The following PPARGC1B variants were observed in gnomAD, a reference collection of about 807,000 sequenced individuals.
PPARGC1B encodes the protein PPARG coactivator 1 beta.
A neutral mutation model predicts 101.6 loss-of-function variants in PPARGC1B; 34 were observed. The ratio of observed to expected loss-of-function variants is 0.33; its 90% confidence interval spans 0.25 to 0.45. PPARGC1B has a LOEUF of 0.45. PPARGC1B is among the 20% of genes least tolerant of loss of function. PPARGC1B has a pLI of 1.00. For missense variants in PPARGC1B, 1,234 were observed against 1,317.6 expected, an observed-to-expected ratio of 0.94 and a Z score of 0.98; for synonymous variants, 548 against 539.3, an observed-to-expected ratio of 1.02 and a Z score of -0.22.
intron 2 of PPARGC1B, among the ~76,000 whole-genome samples, 198 bp downstream of exon 2, chr5:149,820,804 T>A (rs1263159944): frequency 6.6e-6 from 1 of 152,196 alleles, no homozygotes; most frequent in Non-Finnish European, 1.5e-5. Flanking sequence ...ACCTGGCCCT[T>A]GCTGTGTCAC....
intron 1 of PPARGC1B, among the ~76,000 whole-genome samples, chr5:149,761,957 C>T (rs908092267): frequency 1.3e-5 from 2 of 152,220 alleles, no homozygotes; most frequent in Non-Finnish European, 1.5e-5. Context: ...ACCATGAGCG[C>T]TCAAGTTTTT....
chr5:149,812,998 T>A (rs540576331), intron 1 of PPARGC1B, among the ~76,000 whole-genome samples: 7 of 152,170 alleles, frequency 4.6e-5, no homozygotes, highest in Non-Finnish European at 8.8e-5. Flanking sequence ...ACTTCATAGG[T>A]ATTTCCCACA....
At chr5:149,740,459 T>C (rs750499468) in intron 1 of PPARGC1B, among the ~76,000 whole-genome samples, 13 of 152,218 alleles carry the variant, frequency 8.5e-5, no homozygotes, top group Non-Finnish European at 1.3e-4. Flanking sequence ...CTGAGGTTCT[T>C]CTTGCAGAGT....
At chr5:149,772,146 G>A in intron 1 of PPARGC1B, 1 of 1,606,410 alleles carries the variant, frequency 6.2e-7, no homozygotes, top group Non-Finnish European at 8.5e-7. Flanking sequence ...AATGGTAGGT[G>A]TTGGGCCAGA....
intron 1 of PPARGC1B, among the ~76,000 whole-genome samples, chr5:149,748,890 AAGGCCTTGGGG>A (rs1285354741): frequency 2.6e-5 from 4 of 152,150 alleles, no homozygotes; most frequent in African/African-American, 9.7e-5. Context: ...CAGAAGGGGA[AAGGCCTTGGGG>A]AGGTTTCAGA....
At chr5:149,839,337 T>A (rs1019274819) in intron 8 of PPARGC1B, among the ~76,000 whole-genome samples, 4 of 152,220 alleles carry the variant, frequency 2.6e-5, no homozygotes, top group Admixed American at 6.5e-5. Context: ...AAACTCAAGC[T>A]GTCTGACTCA....
At chr5:149,857,770 G>A (rs1459948902), downstream of PPARGC1B, among the ~76,000 whole-genome samples, 1 of 152,246 alleles carries the variant, frequency 6.6e-6, no homozygotes, top group Non-Finnish European at 1.5e-5. Context: ...CCAGGGAACT[G>A]TGCCAGGAAC....
intron 1 of PPARGC1B, among the ~76,000 whole-genome samples, chr5:149,817,184 T>C (rs899188851): frequency 1.3e-5 from 2 of 152,192 alleles, no homozygotes; most frequent in African/African-American, 4.8e-5. Context: ...AAGAAGTTTT[T>C]CCTGACATTC....
At chr5:149,786,654 C>A (rs1437606058) in intron 1 of PPARGC1B, among the ~76,000 whole-genome samples, 1 of 152,192 alleles carries the variant, frequency 6.6e-6, no homozygotes, top group Non-Finnish European at 1.5e-5. Context: ...TGTCTAACCC[C>A]CACTGGACAT....
At position 149,851,433 on chromosome 5, in the gene PPARGC1B, C is replaced by T. The variant is rs919565164; in HGVS notation, c.*3875C>T. On this transcript the variant is annotated 3_prime_UTR_variant, in exon 12 of 12. Coordinates refer to ENST00000309241, the MANE Select transcript of PPARGC1B (RefSeq NM_133263.4). The stretch of plus-strand genomic sequence containing the variant: ...CCTAACTGTGAAGCAAAATCAGCCC[C>T]AGAGGATGTATTGATCTGACTCACT... The T allele has an allele frequency of 6.6e-6, 1 of 152,172 alleles. No homozygotes were observed. Among genetic ancestry groups the T allele is most frequent in the South Asian group, 2.1e-4 (1 of 4,828 alleles). The allele number at this position is 152,172 out of a possible 1,614,324, so 9.4% of individuals were successfully genotyped here.
At chr5:149,750,551 C>T (rs1191626224) in intron 1 of PPARGC1B, among the ~76,000 whole-genome samples, 1 of 149,732 alleles carries the variant, frequency 6.7e-6, no homozygotes, top group Non-Finnish European at 1.5e-5. Flanking sequence ...GCAGACTTGG[C>T]TGTGGGTGCT....
In PPARGC1B at chr5:149,737,404, C is replaced by T. The variant is rs1032103943; in HGVS notation, c.78+6984C>T. Among the ~76,000 whole-genome samples the T allele has an allele frequency of 7.2e-5, 11 of 152,312 alleles. 1 individual carries two copies. The highest frequency in any genetic ancestry group is 6.5e-4 in the Admixed American group (10 of 15,300). ...CCCCAGGAAAACCCTGAATTTTCCT[C>T]CTGGAGGCTTAGACTCAGGCTGCCC... On this transcript the variant is annotated intron_variant, in intron 1 of 11. Coordinates refer to ENST00000309241, the MANE Select transcript of PPARGC1B (RefSeq NM_133263.4).
chr5:149,813,834 A>G (rs907724928), intron 1 of PPARGC1B, among the ~76,000 whole-genome samples: 2 of 152,140 alleles, frequency 1.3e-5, no homozygotes, highest in African/African-American at 4.8e-5. Flanking sequence ...CAGATTTTGT[A>G]TCTGGTGAGG....
intron 1 of PPARGC1B, among the ~76,000 whole-genome samples, chr5:149,737,457 A>G (rs932600835): frequency 6.6e-6 from 1 of 151,890 alleles, no homozygotes; most frequent in East Asian, 1.9e-4. Flanking sequence ...CTCCATTTCC[A>G]TGATTCATCC....
chr5:149,791,944 A>G (rs982086846), intron 1 of PPARGC1B, among the ~76,000 whole-genome samples: 11 of 152,248 alleles, frequency 7.2e-5, no homozygotes, highest in African/African-American at 2.7e-4. Context: ...AGGGAACCCC[A>G]GGATACAAGT....
intron 1 of PPARGC1B, among the ~76,000 whole-genome samples, chr5:149,746,308 A>G (rs1581005710): frequency 6.6e-6 from 1 of 152,010 alleles, no homozygotes; most frequent in Non-Finnish European, 1.5e-5. Context: ...TTCTGTCTCT[A>G]TGATTTTGGT....
At chr5:149,830,737 C>G in intron 3 of PPARGC1B, 30 bp from the exon 4 acceptor site, 2 of 1,554,070 alleles carry the variant, frequency 1.3e-6, no homozygotes, top group South Asian at 1.1e-5. Flanking sequence ...GGCTCAGCCC[C>G]GGCTCCTGTC....
chr5:149,788,415 G>A (rs1756889585), intron 1 of PPARGC1B, among the ~76,000 whole-genome samples: 1 of 152,200 alleles, frequency 6.6e-6, no homozygotes, highest in African/African-American at 2.4e-5. Flanking sequence ...TCATTAAAAA[G>A]TCAGGAAACA....
In PPARGC1B at chr5:149,832,791, C is replaced by T. The variant is rs761739239; in HGVS notation, c.718C>T (p.Pro240Ser). ...TCTGCAGCCACCATGCCTCCAGAGTCCCCGGCTCCCTGCCAAGGAGGACAA... is the reference window on the plus strand; with the variant it reads ...TCTGCAGCCACCATGCCTCCAGAGTTCCCGGCTCCCTGCCAAGGAGGACAA... ...RGLQPPCLQS[P>S]RLPAKEDKEP... is the part of the protein sequence containing the mutation. Residue 240 changes from proline to serine, a missense_variant, in exon 5 of 12, where the codon CCC (proline) becomes TCC (serine). Around this residue, in one of 3 missense-constraint regions of PPARGC1B, gnomAD observed 734 missense variants for 768.4 expected, o/e 0.96. Coordinates refer to ENST00000309241, the MANE Select transcript of PPARGC1B (RefSeq NM_133263.4). The surrounding 1 kb of genome is among the most constrained non-coding windows in gnomAD (Gnocchi z 4.9). 1.1e-5 allele frequency: 17 copies of T among 1,612,916 alleles called. No individual in the cohort carries two copies. Among genetic ancestry groups the T allele is most frequent in the Non-Finnish European group, 1.4e-5 (17 of 1,179,444 alleles).
Sources: gnomAD v4.1 joint callset for allele counts (sites outside exome capture counted in the v4.1 genomes callset) on GRCh38, gnomAD v4.1.1 for gene constraint, gnomAD v4.1.1 regional missense constraint, Gnocchi (gnomAD v3.1) non-coding constraint, MANE v1.5 for transcripts, NCBI Gene and HGNC (gene_info 2026-07-23, HGNC 2026-07-21) for gene names.